Variants in LRRTM4 observed in about 807,000 individuals in gnomAD.
The protein encoded by LRRTM4 is leucine-rich repeat transmembrane neuronal protein 4.
LRRTM4 carries 25 observed loss-of-function variants against 47.6 expected under a neutral mutation model. The observed-to-expected ratio is 0.53, with a 90% CI of 0.38 to 0.73. The LOEUF is 0.73. LRRTM4 is among the 30% of genes least tolerant of loss of function. LRRTM4 has a pLI of 0.00. For synonymous variants in LRRTM4, 311 were observed against 269.5 expected (o/e 1.15, Z -1.51); for missense variants, 638 against 713.4 (o/e 0.89, Z 1.20).
chr2:76,855,793 C>T lies in LRRTM4; in HGVS notation c.1552-106877G>A, dbSNP rs575190443. 3.9e-5 allele frequency among the ~76,000 whole-genome samples: 6 copies of T among 152,018 alleles called. No individual in the cohort carries two copies. The South Asian group carries it at 1.2e-3, about 32-fold the overall frequency. ...GACTATGAGAGCTTAATAACAAGAC[C>T]CTCAGTTGGGTGGAGGGTGGGGTGG... On this transcript the variant is annotated intron_variant, in intron 3 of 3. Transcript: ENST00000409884.
intron 3 of LRRTM4, among the ~76,000 whole-genome samples, chr2:77,169,214 T>C (rs1046883830): frequency 6.6e-6 from 1 of 152,090 alleles, no homozygotes; most frequent in Admixed American, 6.6e-5. Flanking sequence ...GTACTGGCAG[T>C]CCTAGCCGGA....
In LRRTM4 at chr2:76,802,192, T is replaced by C. The variant is rs568952966; in HGVS notation, c.1552-53276A>G. On this transcript the variant is annotated intron_variant, in intron 3 of 3. Coordinates refer to ENST00000409884, the MANE Select transcript of LRRTM4 (RefSeq NM_001134745.3). ...GGAATAAATTGAATTGTCCCTATTG[T>C]CAGACGACATGATCTTATATACAAA... Among the ~76,000 whole-genome samples the C allele has an allele frequency of 6.6e-5, 10 of 150,522 alleles. No homozygotes were observed. In the East Asian group the frequency reaches 1.6e-3, roughly 24 times the overall value.
At chr2:77,288,570 T>C (rs1343498028) in intron 3 of LRRTM4, among the ~76,000 whole-genome samples, 2 of 152,008 alleles carry the variant, frequency 1.3e-5, no homozygotes, top group Non-Finnish European at 2.9e-5. Context: ...AGGTAATGTG[T>C]CCAACATATA....
intron 3 of LRRTM4, among the ~76,000 whole-genome samples, chr2:76,948,167 C>CA (rs56898549): frequency 0.019 from 2,928 of 151,590 alleles, 80 homozygotes; most frequent in African/African-American, 0.062. Flanking sequence ...TATTCAATGA[C>CA]AAAAAAAGTA....
intron 3 of LRRTM4, among the ~76,000 whole-genome samples, chr2:76,953,473 C>G (rs1195511100): frequency 6.6e-6 from 1 of 151,838 alleles, no homozygotes; most frequent in Non-Finnish European, 1.5e-5. Flanking sequence ...GGAAAACACA[C>G]GCGCACACAC....
chr2:77,342,495 T>C (rs1671408859), intron 3 of LRRTM4, among the ~76,000 whole-genome samples: 2 of 151,974 alleles, frequency 1.3e-5, no homozygotes, highest in South Asian at 2.1e-4. Context: ...TGGATACAGA[T>C]GGGGCTTAAA....
chr2:76,815,924 C>T (rs187082546), intron 3 of LRRTM4, among the ~76,000 whole-genome samples: 1 of 152,108 alleles, frequency 6.6e-6, no homozygotes, highest in East Asian at 1.9e-4. Context: ...TTATTATCTT[C>T]CCCTTTTTTT....
intron 3 of LRRTM4, among the ~76,000 whole-genome samples, chr2:76,795,037 C>T (rs942885152): frequency 8.6e-5 from 13 of 151,688 alleles, no homozygotes; most frequent in African/African-American, 1.2e-4. Context: ...AATAAAGATA[C>T]TTCTGTATGG....
At chr2:76,984,378 G>C (rs139827631) in intron 3 of LRRTM4, among the ~76,000 whole-genome samples, 69 of 151,954 alleles carry the variant, frequency 4.5e-4, no homozygotes, top group African/African-American at 1.6e-3. Flanking sequence ...GTCATTACTA[G>C]ATGTTTATGT....
At chr2:77,502,957 C>G (rs898908134) in intron 3 of LRRTM4, among the ~76,000 whole-genome samples, 1 of 150,640 alleles carries the variant, frequency 6.6e-6, no homozygotes, top group Non-Finnish European at 1.5e-5. Flanking sequence ...AAGCCAGTGC[C>G]GAGAGTAGAG....
At chr2:77,072,884 G>A (rs777580220) in intron 3 of LRRTM4, among the ~76,000 whole-genome samples, 13 of 151,072 alleles carry the variant, frequency 8.6e-5, no homozygotes, top group Admixed American at 2.0e-4. Flanking sequence ...GGCTACTTGC[G>A]TCTGTCAGAT....
At chr2:77,140,870 A>C (rs1361729786) in intron 3 of LRRTM4, among the ~76,000 whole-genome samples, 1 of 152,230 alleles carries the variant, frequency 6.6e-6, no homozygotes, top group African/African-American at 2.4e-5. Flanking sequence ...CACATGAAAA[A>C]ATGCTCATCA....
chr2:77,351,391 G>T (rs569763515), intron 3 of LRRTM4, among the ~76,000 whole-genome samples: 1 of 151,790 alleles, frequency 6.6e-6, no homozygotes, highest in African/African-American at 2.4e-5. Context: ...TAAGTGTAAT[G>T]ATGTTTATTG....
intron 3 of LRRTM4, among the ~76,000 whole-genome samples, chr2:76,818,526 G>C (rs1229608287): frequency 6.6e-6 from 1 of 151,808 alleles, no homozygotes; most frequent in Admixed American, 6.6e-5. Flanking sequence ...CACATTGAAA[G>C]AACTGTGGTT....
intron 3 of LRRTM4, among the ~76,000 whole-genome samples, chr2:76,861,610 A>G (rs545600788): frequency 2.7e-4 from 41 of 152,296 alleles, no homozygotes; most frequent in African/African-American, 8.2e-4. Context: ...TAATCTTGAC[A>G]TAGGCATTGA....
chr2:76,828,740 A>C (rs1279240728), intron 3 of LRRTM4, among the ~76,000 whole-genome samples: 1 of 151,858 alleles, frequency 6.6e-6, no homozygotes, highest in Admixed American at 6.6e-5. Context: ...ACAGTAGCTA[A>C]AAACAGATTC....
At chr2:77,415,312 C>T (rs1388871631) in intron 3 of LRRTM4, among the ~76,000 whole-genome samples, 1 of 152,086 alleles carries the variant, frequency 6.6e-6, no homozygotes, top group Non-Finnish European at 1.5e-5. Context: ...AATAATTATT[C>T]ATTTTTACTG....
At chr2:77,421,692 G>A (rs1674897506) in intron 3 of LRRTM4, among the ~76,000 whole-genome samples, 1 of 151,402 alleles carries the variant, frequency 6.6e-6, no homozygotes, top group Non-Finnish European at 1.5e-5. Context: ...GGGCGGCAGA[G>A]GGAGACTCCA....
intron 3 of LRRTM4, among the ~76,000 whole-genome samples, chr2:77,252,126 C>T (rs1470078): frequency 0.83 from 126,265 of 152,134 alleles, 52,894 homozygotes; most frequent in African/African-American, 0.95. Flanking sequence ...ATAGTTGGCA[C>T]CAGAAATGTG....
Sources: allele counts gnomAD v4.1 joint callset (sites outside exome capture counted in the v4.1 genomes callset), GRCh38; gene constraint gnomAD v4.1.1; transcripts MANE v1.5; gene names NCBI Gene and HGNC (gene_info 2026-07-23, HGNC 2026-07-21).